The following PHC3 variants were observed in gnomAD, a reference collection of about 807,000 sequenced individuals.
PHC3 encodes polyhomeotic homolog 3, also known as polyhomeotic-like protein 3.
Under a neutral mutation model 107.4 loss-of-function variants are expected in PHC3, and 13 were observed. That is an observed-to-expected ratio of 0.12 (90% CI 0.08 to 0.19). The LOEUF (loss-of-function observed/expected upper bound fraction) is 0.19. PHC3 is among the 10% of genes least tolerant of loss of function. The pLI is 1.00. For missense variants in PHC3, 992 were observed against 1,210.9 expected, an observed-to-expected ratio of 0.82 and a Z score of 2.68; for synonymous variants, 456 against 427.4, an observed-to-expected ratio of 1.07 and a Z score of -0.83.
intron 14 of PHC3, among the ~76,000 whole-genome samples, chr3:170,100,285 CA>C (rs1392404651): frequency 6.6e-6 from 1 of 152,090 alleles, no homozygotes; most frequent in Admixed American, 6.6e-5. Flanking sequence ...TCAGGGAAAA[CA>C]AACAGCGCTT....
Position 170,171,129 on chromosome 3 carries a change from A to C in PHC3, c.414+244T>G, listed in dbSNP as rs968154934. On this transcript the variant is annotated intron_variant, in intron 4 of 14. Coordinates refer to ENST00000495893, the MANE Select transcript of PHC3 (RefSeq NM_024947.4). Reference sequence around the variant, plus strand: ...GAAAGCTGAAACCACATAAGATCTGAACATGATCAGTGCAAATGGATATAC... The same window carrying C: ...GAAAGCTGAAACCACATAAGATCTGCACATGATCAGTGCAAATGGATATAC... The C allele has an allele frequency of 7.5e-6, 4 of 535,112 alleles. No homozygotes were observed. The Admixed American group carries it at 1.5e-4, about 20-fold the overall frequency. 33.1% of individuals were successfully genotyped at this position (535,112 alleles called of 1,614,324 possible). A position where few individuals can be genotyped will look rare whatever the true frequency, so the allele number is the denominator to read the frequency against.
chr3:170,108,143 C>T (rs1475336020), intron 11 of PHC3, among the ~76,000 whole-genome samples: 1 of 152,034 alleles, frequency 6.6e-6, no homozygotes, highest in Non-Finnish European at 1.5e-5. Flanking sequence ...AATTCCTCTG[C>T]CAAGTCATAT....
intron 12 of PHC3, 107 bp downstream of exon 12, chr3:170,106,725 A>G (rs1716595400): frequency 5.2e-6 from 3 of 573,794 alleles, no homozygotes; most frequent in Admixed American, 3.7e-5. Context: ...ATAATATTAC[A>G]TATTAAAATA....
rs766198762 is a variant in PHC3, at chr3:170,113,453, T to C, written c.2260A>G (p.Ile754Val). Reference sequence around the variant, plus strand: ...TCTGGCTGAACACACACTGAATTTATCACCTGATTATCCAAAAGAGGCCGT... The same window carrying C: ...TCTGGCTGAACACACACTGAATTTACCACCTGATTATCCAAAAGAGGCCGT... ...KKRPLLDNQV[I>V]NSVCVQPELQ... The change falls in exon 11 of 15, where the codon ATA becomes GTA. Residue 754 changes from isoleucine (I) to valine (V), a missense_variant. Around this residue, in one of 6 missense-constraint regions of PHC3, gnomAD observed 228 missense variants for 288.8 expected, o/e 0.79. Transcript: ENST00000495893. 50 of 1,613,086 alleles carry C rather than the reference T, an allele frequency of 3.1e-5. No individual in the cohort carries two copies. The highest frequency in any genetic ancestry group is 4.0e-5 in the Non-Finnish European group (47 of 1,179,508).
chr3:170,135,139 TTTTGTTTG>T (rs370687749), intron 7 of PHC3, among the ~76,000 whole-genome samples: 2,161 of 151,986 alleles, frequency 0.014, 50 homozygotes, highest in African/African-American at 0.049. Context: ...AAAGGAAGTT[TTTTGTTTG>T]TTTGTTTGTT....
chr3:170,115,670 A>C (rs1718780025), intron 10 of PHC3, among the ~76,000 whole-genome samples: 1 of 152,216 alleles, frequency 6.6e-6, no homozygotes, highest in Admixed American at 6.5e-5. Context: ...ATGAAGTGCC[A>C]GGTACCATAC....
rs1174487922 is a variant in PHC3, at chr3:170,096,416, G to A, written c.*814C>T. On this transcript the variant is annotated 3_prime_UTR_variant, in exon 15 of 15. Transcript: ENST00000495893. ...CTTTACAGTGGAGGGGTGCTGTCCT[G>A]TGCATTATAAGATGTTTAGAAACAT... The A allele has an allele frequency of 6.6e-6, 1 of 152,000 alleles. No homozygotes were observed. Among genetic ancestry groups the A allele is most frequent in the Non-Finnish European group, 1.5e-5 (1 of 68,006 alleles). The allele number at this position is 152,000 out of a possible 1,614,324, so 9.4% of individuals were successfully genotyped here.
intron 8 of PHC3, among the ~76,000 whole-genome samples, chr3:170,126,528 A>ATATATATATATTTT (rs370421296): frequency 1.9e-4 from 17 of 90,600 alleles, no homozygotes; most frequent in African/African-American, 7.6e-4. Context: ...ATATATATAT[A>ATATATATATATTTT]TTTTTTTTTT....
At chr3:170,111,070 C>G (rs1352405678) in intron 11 of PHC3, among the ~76,000 whole-genome samples, 1 of 151,922 alleles carries the variant, frequency 6.6e-6, no homozygotes, top group East Asian at 1.9e-4. Context: ...TTATTTGGAA[C>G]CTGATTTAAC....
At chr3:170,106,987 TTTAA>T (rs1362954021) in intron 11 of PHC3, 41 bp from the exon 12 acceptor site, 1 of 1,450,380 alleles carries the variant, frequency 6.9e-7, no homozygotes, top group African/African-American at 1.4e-5. Context: ...GTTCCAAAAA[TTTAA>T]TTATGCAAAT....
intron 4 of PHC3, among the ~76,000 whole-genome samples, chr3:170,163,547 G>T (rs1173437928): frequency 6.6e-6 from 1 of 150,834 alleles, no homozygotes; most frequent in Non-Finnish European, 1.5e-5. Flanking sequence ...TTAACTAAAA[G>T]CCCATTTACA....
intron 7 of PHC3, among the ~76,000 whole-genome samples, chr3:170,132,576 A>T (rs913034663): frequency 2.6e-5 from 4 of 152,214 alleles, no homozygotes; most frequent in Non-Finnish European, 5.9e-5. Context: ...TGCTCCCTCC[A>T]CCCACCACAC....
chr3:170,121,719 T>C lies in PHC3; in HGVS notation c.1942+872A>G, dbSNP rs1471882. Among the ~76,000 whole-genome samples, 594 of 152,278 alleles carry C rather than the reference T, an allele frequency of 3.9e-3. 20 individuals are homozygous for C. The East Asian group carries it at 0.099, about 25-fold the overall frequency. ...CTTACTCAGTCTGAATCACAAACAA[T>C]TGTGAGGAATATCATATATGGCTTA... is the stretch of plus-strand genomic sequence containing the variant. On this transcript the variant is annotated intron_variant, in intron 9 of 14. Coordinates refer to ENST00000495893, the MANE Select transcript of PHC3 (RefSeq NM_024947.4).
chr3:170,134,164 A>C (rs1722688921), intron 7 of PHC3, among the ~76,000 whole-genome samples: 1 of 151,920 alleles, frequency 6.6e-6, no homozygotes. Flanking sequence ...AAAAAATAAG[A>C]ATTCGTGTCT....
At chr3:170,134,146 T>A (rs201575483) in intron 7 of PHC3, among the ~76,000 whole-genome samples, 1 of 151,352 alleles carries the variant, frequency 6.6e-6, no homozygotes, top group East Asian at 1.9e-4. Context: ...ACACAGAGGT[T>A]TAAAAAAAAA....
intron 11 of PHC3, among the ~76,000 whole-genome samples, chr3:170,109,797 GTTTATCC>G (rs1717271047): frequency 3.9e-5 from 6 of 152,050 alleles, no homozygotes; most frequent in Admixed American, 3.9e-4. Flanking sequence ...GAGAACCACA[GTTTATCC>G]TTTATATGCT....
intron 1 of PHC3, 48 bp downstream of exon 1, chr3:170,181,654 C>T: frequency 1.2e-6 from 2 of 1,613,078 alleles, no homozygotes; most frequent in Non-Finnish European, 1.7e-6. Flanking sequence ...GTCGCTGCCC[C>T]AACTCGCCCC....
At chr3:170,126,930 G>T (rs80038349) in intron 8 of PHC3, among the ~76,000 whole-genome samples, 23,170 of 148,080 alleles carry the variant, frequency 0.16, 1,938 homozygotes, top group African/African-American at 0.23. Flanking sequence ...GTTTTTTTTT[G>T]TTTGTTTTTA....
Position 170,102,889 on chromosome 3 carries a change from A to G in PHC3, c.2514T>C (p.Asn838=), listed in dbSNP as rs373716155. Residue 838 remains asparagine, a synonymous_variant, in exon 13 of 15, where the codon AAT becomes AAC. Coordinates refer to ENST00000495893, the MANE Select transcript of PHC3 (RefSeq NM_024947.4). ...CSKKFALSRW[N]RKPDNQSLGH... The stretch of plus-strand genomic sequence containing the variant: ...CAAGACTTTGATTATCAGGCTTACG[A>G]TTCCAACGACTAAGTGCAAATTTTT... The G allele has an allele frequency of 4.3e-6, 7 of 1,613,556 alleles. No homozygotes were observed. In the African/African-American group the frequency reaches 9.3e-5, roughly 22 times the overall value.
Sources: allele counts gnomAD v4.1 joint callset (sites outside exome capture counted in the v4.1 genomes callset), GRCh38; gene constraint gnomAD v4.1.1; regional missense constraint gnomAD v4.1.1; transcripts MANE v1.5; gene names NCBI Gene and HGNC (gene_info 2026-07-23, HGNC 2026-07-21).